KAZN: variants seen among roughly 807,000 people sequenced by gnomAD.
The protein encoded by KAZN is kazrin.
A neutral mutation model predicts 87.4 loss-of-function variants in KAZN; 40 were observed. That is an observed-to-expected ratio of 0.46 (90% CI 0.36 to 0.60). The LOEUF (loss-of-function observed/expected upper bound fraction) is 0.60, where lower values mean the gene tolerates loss of function less well. KAZN is among the 20% of genes least tolerant of loss of function. The probability of loss-of-function intolerance (pLI) is 0.00; values close to 1 mark genes in which losing one functional copy is unlikely to be tolerated. For synonymous variants in KAZN, 466 were observed against 458.3 expected (o/e 1.02, Z -0.22); for missense variants, 898 against 1,073.9 (o/e 0.84, Z 2.29).
chr1:14,042,214 C>A (rs576779929), intron 1 of KAZN, among the ~76,000 whole-genome samples: 10 of 152,002 alleles, frequency 6.6e-5, no homozygotes, highest in African/African-American at 2.4e-4. Flanking sequence ...ATTTCCTCAG[C>A]ATAAATTTCT....
At chr1:14,897,552 A>C (rs1453580541) in intron 1 of KAZN, among the ~76,000 whole-genome samples, 1 of 152,244 alleles carries the variant, frequency 6.6e-6, no homozygotes, top group Non-Finnish European at 1.5e-5. Flanking sequence ...TCTTTAAAAT[A>C]ACAATAGTAA....
chr1:14,424,609 C>A (rs1212487510), intron 2 of KAZN, among the ~76,000 whole-genome samples: 1 of 152,202 alleles, frequency 6.6e-6, no homozygotes. Context: ...TTGCCCCACA[C>A]ACCATCGTCC....
chr1:14,357,433 G>T (rs528211992), intron 2 of KAZN, among the ~76,000 whole-genome samples: 18 of 152,172 alleles, frequency 1.2e-4, no homozygotes, highest in African/African-American at 4.3e-4. Context: ...TTACCTGATT[G>T]CCCTGGCCAG....
intron 1 of KAZN, among the ~76,000 whole-genome samples, chr1:14,673,777 C>T (rs889820114): frequency 9.9e-5 from 15 of 152,224 alleles, no homozygotes; most frequent in African/African-American, 3.6e-4. Context: ...TCAACCCCTT[C>T]CCCTTCCCTC....
chr1:15,090,863 C>A (rs541895777), intron 8 of KAZN, among the ~76,000 whole-genome samples: 1 of 152,228 alleles, frequency 6.6e-6, no homozygotes, highest in African/African-American at 2.4e-5. Context: ...AACTGAGGCA[C>A]AAGGTGTTTG....
intron 1 of KAZN, among the ~76,000 whole-genome samples, chr1:14,840,417 T>C (rs1274343650): frequency 6.6e-6 from 1 of 152,184 alleles, no homozygotes; most frequent in Non-Finnish European, 1.5e-5. Context: ...TCTGTGGGAA[T>C]ACAGGTGCAA....
intron 1 of KAZN, among the ~76,000 whole-genome samples, chr1:14,805,924 A>G (rs1646204007): frequency 6.6e-6 from 1 of 152,106 alleles, no homozygotes; most frequent in Non-Finnish European, 1.5e-5. Context: ...AGTGTTTGCC[A>G]CTTGCAAGAT....
chr1:15,031,732 T>C (rs966942542), intron 2 of KAZN, among the ~76,000 whole-genome samples: 1 of 152,130 alleles, frequency 6.6e-6, no homozygotes, highest in African/African-American at 2.4e-5. Context: ...GCCTACCAAG[T>C]AGCTGGGACC....
chr1:14,956,159 G>A (rs1462841494), intron 1 of KAZN, among the ~76,000 whole-genome samples: 3 of 152,130 alleles, frequency 2.0e-5, no homozygotes, highest in Admixed American at 6.5e-5. Context: ...GTGACACGAG[G>A]CTTATGCAAA....
chr1:14,325,390 T>C (rs950701788), intron 2 of KAZN, among the ~76,000 whole-genome samples: 1 of 152,194 alleles, frequency 6.6e-6, no homozygotes, highest in African/African-American at 2.4e-5. Context: ...CTTTATTCCA[T>C]GTTTAGACTA....
chr1:13,953,654 G>A (rs1641436113), intron 1 of KAZN, among the ~76,000 whole-genome samples: 2 of 150,684 alleles, frequency 1.3e-5, no homozygotes, highest in African/African-American at 2.4e-5. Flanking sequence ...TTTTTAATTT[G>A]TTCTGAAAGT....
At chr1:13,927,786 T>C (rs1391189968) in intron 1 of KAZN, among the ~76,000 whole-genome samples, 4 of 152,192 alleles carry the variant, frequency 2.6e-5, no homozygotes, top group African/African-American at 7.2e-5. Context: ...GAGAGGAAAC[T>C]GGATGTGTGG....
intron 1 of KAZN, among the ~76,000 whole-genome samples, chr1:14,805,245 C>T (rs951136960): frequency 1.3e-5 from 2 of 152,152 alleles, no homozygotes; most frequent in East Asian, 3.9e-4. Flanking sequence ...TCCAGAGACC[C>T]AGATTCCTTC....
chr1:15,107,573 ACTATCTGCCAC>A (rs1641338929), intron 13 of KAZN, among the ~76,000 whole-genome samples: 1 of 152,204 alleles, frequency 6.6e-6, no homozygotes, highest in South Asian at 2.1e-4. Flanking sequence ...TATGGTAATC[ACTATCTGCCAC>A]CCAAAGAGTT....
intron 1 of KAZN, among the ~76,000 whole-genome samples, chr1:14,616,092 A>G (rs1678216342): frequency 6.6e-6 from 1 of 152,194 alleles, no homozygotes; most frequent in Non-Finnish European, 1.5e-5. Flanking sequence ...CGCAATGCCT[A>G]TACAATCCAG....
At chr1:14,468,874 G>A (rs796981895) in intron 2 of KAZN, among the ~76,000 whole-genome samples, 2 of 152,106 alleles carry the variant, frequency 1.3e-5, no homozygotes, top group South Asian at 2.1e-4. Flanking sequence ...CATGATTCTC[G>A]CTTTCATTTG....
chr1:14,824,956 G>A (rs1300381672), intron 1 of KAZN, among the ~76,000 whole-genome samples: 1 of 152,234 alleles, frequency 6.6e-6, no homozygotes, highest in Non-Finnish European at 1.5e-5. Context: ...TGAGGTAGGT[G>A]CTGACCATTT....
At chr1:14,741,825 A>G (rs887484281) in intron 1 of KAZN, among the ~76,000 whole-genome samples, 1 of 152,170 alleles carries the variant, frequency 6.6e-6, no homozygotes, top group Non-Finnish European at 1.5e-5. Context: ...TTCTGGTGGC[A>G]TGTTTTATGA....
intron 2 of KAZN, among the ~76,000 whole-genome samples, chr1:14,460,541 G>C (rs764023035): frequency 1.3e-5 from 2 of 152,194 alleles, no homozygotes; most frequent in African/African-American, 4.8e-5. Flanking sequence ...AGGCATGTCT[G>C]TGAACCTGTG....
Sources: allele counts gnomAD v4.1 joint callset (sites outside exome capture counted in the v4.1 genomes callset), GRCh38; gene constraint gnomAD v4.1.1; transcripts MANE v1.5; gene names NCBI Gene and HGNC (gene_info 2026-07-23, HGNC 2026-07-21).